PKD1: variants seen among roughly 807,000 people sequenced by gnomAD.
The protein encoded by PKD1 is polycystin 1, transient receptor potential channel interacting.
Under a neutral mutation model 361.7 loss-of-function variants are expected in PKD1, and 81 were observed. That is an observed-to-expected ratio of 0.22 (90% CI 0.19 to 0.27). The LOEUF (loss-of-function observed/expected upper bound fraction) is 0.27, where lower values mean the gene tolerates loss of function less well. Ranked by LOEUF, PKD1 falls within the 10% of genes least tolerant of loss-of-function variation. The probability of loss-of-function intolerance (pLI) is 1.00; values close to 1 mark genes in which losing one functional copy is unlikely to be tolerated. For missense variants in PKD1, 6,399 were observed against 6,118.3 expected, an observed-to-expected ratio of 1.05 and a Z score of -1.53; for synonymous variants, 3,615 against 2,818.3, an observed-to-expected ratio of 1.28 and a Z score of -8.95.
At chr16:2,101,199 A>G (rs1369933007) in intron 26 of PKD1, among the ~76,000 whole-genome samples, 1 of 152,014 alleles carries the variant, frequency 6.6e-6, no homozygotes, top group African/African-American at 2.4e-5. Context: ...GTTAGCCAGG[A>G]TGGTCTCGAT....
Position 2,110,406 on chromosome 16 carries a change from G to C in PKD1, c.4761C>G (p.Arg1587=). The C allele has an allele frequency of 6.2e-7, 1 of 1,612,632 alleles. No individual in the cohort carries two copies. The highest frequency in any genetic ancestry group is 1.1e-5 in the South Asian group (1 of 91,084). ...DVRYSWVLCD[R]CTPIPGGPTI... is the part of the protein sequence containing the mutation. ...TAGGACCCCCAGGGATGGGCGTGCAGCGGTCACAGAGCACCCAGGAATAGC... is the reference window on the plus strand; with the variant it reads ...TAGGACCCCCAGGGATGGGCGTGCACCGGTCACAGAGCACCCAGGAATAGC... Residue 1587 remains arginine (R), a synonymous_variant, in exon 15 of 46, where the codon CGC becomes CGG. Coordinates refer to ENST00000262304, the MANE Select transcript of PKD1 (RefSeq NM_001009944.3).
Position 2,111,444 on chromosome 16 carries a change from G to C in PKD1, c.3723C>G (p.Ile1241Met), listed in dbSNP as rs757201318. Residue 1241 changes from isoleucine (I) to methionine (M), a missense_variant, in exon 15 of 46, where the codon ATC becomes ATG. Transcript: ENST00000262304. ...VSAAVQTGDN[I>M]TWTFDMGDGT... ...CGTCCCCCATGTCGAAGGTCCACGT[G>C]ATGTTGTCGCCCGTCTGCACCGCGG... 1.2e-6 allele frequency: 2 copies of C among 1,611,920 alleles called. No homozygotes were observed. The highest frequency in any genetic ancestry group is 8.5e-7 in the Non-Finnish European group (1 of 1,179,544).
intron 1 of PKD1, chr16:2,123,527 C>G (rs559962042): frequency 4.4e-6 from 2 of 456,252 alleles, no homozygotes; most frequent in Admixed American, 2.4e-5. Flanking sequence ...TCTGGGGGAA[C>G]GCCAAGGCCT....
intron 21 of PKD1, 48 bp downstream of exon 21, chr16:2,105,274 T>G (rs185207296): frequency 2.1e-5 from 33 of 1,585,440 alleles, no homozygotes; most frequent in African/African-American, 2.7e-5. Context: ...CTGAACCCAG[T>G]GCCCTGGCAG....
At chr16:2,123,847 TGCCCGAGG>T (rs1180014147) in intron 1 of PKD1, among the ~76,000 whole-genome samples, 6 of 152,126 alleles carry the variant, frequency 3.9e-5, no homozygotes, top group African/African-American at 1.4e-4. Flanking sequence ...GCCTGATGGG[TGCCCGAGG>T]GCCAGGATGT....
rs1212439067 is a variant in PKD1, at chr16:2,116,915, G to A, written c.1524C>T (p.Cys508=). ...ACCACCCGGTGGGCCCGAGCCGGAC[G>A]CAGTGCTCGGCTGTGGCTGGGTGTG... ...GEPHPATAEH[C]VRLGPTGWCN... The change falls in exon 7 of 46, where the codon TGC becomes TGT. Residue 508 remains cysteine (C), a synonymous_variant. Coordinates refer to ENST00000262304, the MANE Select transcript of PKD1 (RefSeq NM_001009944.3). 36 of 1,514,988 alleles carry A rather than the reference G, an allele frequency of 2.4e-5. No individual in the cohort carries two copies. Among genetic ancestry groups the A allele is most frequent in the East Asian group, 1.2e-4 (5 of 41,514 alleles). The allele number at this position is 1,514,988 out of a possible 1,614,324, so 93.8% of individuals were successfully genotyped here. A position where few individuals can be genotyped will look rare whatever the true frequency, so the allele number is the denominator to read the frequency against.
At chr16:2,114,976 G>A (rs1329355442) in intron 10 of PKD1, 51 bp from the exon 11 acceptor site, 5 of 1,523,002 alleles carry the variant, frequency 3.3e-6, no homozygotes, top group African/African-American at 1.4e-5. Context: ...CATGGCCCGT[G>A]GACCCCCGCA....
At chr16:2,122,884 TG>T (rs2092744094) in intron 1 of PKD1, among the ~76,000 whole-genome samples, 1 of 152,154 alleles carries the variant, frequency 6.6e-6, no homozygotes, top group African/African-American at 2.4e-5. Flanking sequence ...CTCTCGCACC[TG>T]CCCCCAGGCA....
chr16:2,092,001 C>T (rs1385890221), intron 40 of PKD1, 46 bp downstream of exon 40: 2 of 1,612,594 alleles, frequency 1.2e-6, no homozygotes, highest in Admixed American at 1.7e-5. Context: ...TGGAGAACTA[C>T]TCCCTTGTCC....
At chr16:2,122,624 C>T (rs1425642674) in intron 1 of PKD1, among the ~76,000 whole-genome samples, 3 of 152,230 alleles carry the variant, frequency 2.0e-5, no homozygotes, top group Admixed American at 2.0e-4. Flanking sequence ...GGCAGCTGGA[C>T]TCACACCCAC....
chr16:2,088,734 C>A lies in PKD1; in HGVS notation c.*993G>T. 7.5e-7 allele frequency: 1 copy of A among 1,334,972 alleles called. No individual in the cohort carries two copies. The highest frequency in any genetic ancestry group is 1.4e-5 in the South Asian group (1 of 73,972). The allele number at this position is 1,334,972 out of a possible 1,614,324, so 82.7% of individuals were successfully genotyped here. A position where few individuals can be genotyped will look rare whatever the true frequency, so the allele number is the denominator to read the frequency against. On this transcript the variant is annotated 3_prime_UTR_variant, in exon 46 of 46. Transcript: ENST00000262304. ...TGCAGTCAGACAGCTCTTTTATTGA[C>A]TTTGTCTGCTTGGTGCGGGGGTTGG...
rs1210746242 is a variant in PKD1, at chr16:2,111,751, A to G, written c.3416T>C (p.Val1139Ala). 1 of 1,602,898 alleles carries G rather than the reference A, an allele frequency of 6.2e-7. No homozygotes were observed. The highest frequency in any genetic ancestry group is 8.5e-7 in the Non-Finnish European group (1 of 1,176,366). Reference protein sequence around the residue: ...VAVGVSDGVLVAGRPVTFYPH... With the variant: ...VAVGVSDGVLAAGRPVTFYPH... ...GTAGAAGGTGACGGGCCGGCCGGCCACCAGGACGCCGTCACTCACACCCAC... is the reference window on the plus strand; with the variant it reads ...GTAGAAGGTGACGGGCCGGCCGGCCGCCAGGACGCCGTCACTCACACCCAC... Residue 1139 changes from valine (V) to alanine (A), a missense_variant, in exon 15 of 46, where the codon GTG (valine) becomes GCG (alanine). Val to Ala is a moderately conservative substitution (Grantham distance 64, BLOSUM62 0). Transcript: ENST00000262304.
chr16:2,127,479 T>C (rs1401380982), intron 1 of PKD1, among the ~76,000 whole-genome samples: 3 of 152,200 alleles, frequency 2.0e-5, no homozygotes, highest in Non-Finnish European at 2.9e-5. Context: ...CAGGCTGCAC[T>C]GGCTCCCGTC....
rs769416495 is a variant in PKD1 at position 2,109,456 on chromosome 16, A to G, written c.5711T>C (p.Leu1904Pro). 6.2e-7 allele frequency: 1 copy of G among 1,607,584 alleles called. No individual in the cohort carries two copies. Among genetic ancestry groups the G allele is most frequent in the Non-Finnish European group, 8.5e-7 (1 of 1,179,538 alleles). ...AGCCAGCAGGATCTGAAAATGGACC[A>G]GCTGCCCGGGCGCCACCACCTTGCT... ...ASSKVVAPGQ[L>P]VHFQILLAAG... The change falls in exon 15 of 46, where the codon CTG becomes CCG. Residue 1904 changes from leucine (L) to proline (P), a missense_variant. By Grantham distance (98) the Leu-to-Pro change is moderately conservative. Coordinates refer to ENST00000262304, the MANE Select transcript of PKD1 (RefSeq NM_001009944.3).
intron 10 of PKD1, 140 bp downstream of exon 10, chr16:2,115,238 G>A: frequency 4.7e-6 from 5 of 1,062,470 alleles, no homozygotes; most frequent in East Asian, 5.2e-5. Context: ...GCACTGCAGA[G>A]GTCGGAGGTC....
intron 1 of PKD1, among the ~76,000 whole-genome samples, chr16:2,129,180 TA>T (rs988694939): frequency 1.4e-5 from 2 of 147,372 alleles, no homozygotes; most frequent in Non-Finnish European, 3.0e-5. Flanking sequence ...TTTTTTTTTT[TA>T]AAGACCGTTT....
Position 2,110,663 on chromosome 16 carries a change from G to T in PKD1, c.4504C>A (p.Leu1502Met), listed in dbSNP as rs768000732. The change falls in exon 15 of 46, where the codon CTG becomes ATG. Residue 1502 changes from leucine (L) to methionine (M), a missense_variant. Physicochemically the swap from Leu to Met is conservative, Grantham distance 15. Coordinates refer to ENST00000262304, the MANE Select transcript of PKD1 (RefSeq NM_001009944.3). ...CCCTCGAGCCACCCACCGTCCCCCA[G>T]ATCCCACAGGTAGCTGGCGGGGCGC... is the stretch of plus-strand genomic sequence containing the variant. ...RGRPASYLWD[L>M]GDGGWLEGPE... 6.2e-7 allele frequency: 1 copy of T among 1,610,196 alleles called. No homozygotes were observed. Among genetic ancestry groups the T allele is most frequent in the South Asian group, 1.1e-5 (1 of 90,984 alleles).
At chr16:2,133,674 C>G (rs1422132381) in intron 1 of PKD1, among the ~76,000 whole-genome samples, 1 of 152,156 alleles carries the variant, frequency 6.6e-6, no homozygotes, top group African/African-American at 2.4e-5. Context: ...CTCACCCCAC[C>G]TTCCAGAACT....
At chr16:2,120,029 C>G (rs1257742042) in intron 1 of PKD1, 2 of 592,640 alleles carry the variant, frequency 3.4e-6, no homozygotes, top group East Asian at 2.8e-5. Context: ...CTGGGCAACA[C>G]AGTGAGACCC....
Sources: allele counts gnomAD v4.1 joint callset (sites outside exome capture counted in the v4.1 genomes callset), GRCh38; gene constraint gnomAD v4.1.1; transcripts MANE v1.5; gene names NCBI Gene and HGNC (gene_info 2026-07-23, HGNC 2026-07-21).